Variants in RGPD3 observed in about 807,000 individuals in gnomAD.
RGPD3 encodes RANBP2 like and GRIP domain containing 3, also known as ranBP2-like and GRIP domain-containing protein 3.
Under a neutral mutation model 154.5 loss-of-function variants are expected in RGPD3, and 62 were observed. That is an observed-to-expected ratio of 0.40 (90% CI 0.33 to 0.50). The LOEUF is 0.50. Ranked by LOEUF, RGPD3 falls within the 20% of genes least tolerant of loss-of-function variation. The pLI is 0.59. For missense variants in RGPD3, 919 were observed against 1,716.8 expected, an observed-to-expected ratio of 0.54 and a Z score of 8.21; for synonymous variants, 308 against 607.0, an observed-to-expected ratio of 0.51 and a Z score of 7.24.
At chr2:106,462,103 G>A (rs535319793) in intron 1 of RGPD3, among the ~76,000 whole-genome samples, 3 of 152,166 alleles carry the variant, frequency 2.0e-5, no homozygotes, top group East Asian at 1.9e-4. Context: ...AGATGGTGTC[G>A]CTCTCTCGAC....
chr2:106,464,901 TTA>T (rs1284166681), intron 1 of RGPD3, among the ~76,000 whole-genome samples: 2 of 148,010 alleles, frequency 1.4e-5, no homozygotes, highest in East Asian at 4.1e-4. Context: ...TTTTGTATTT[TTA>T]ATAGAGATGG....
At chr2:106,441,672 T>C (rs1235620679) in intron 7 of RGPD3, among the ~76,000 whole-genome samples, 1 of 145,604 alleles carries the variant, frequency 6.9e-6, no homozygotes, top group Non-Finnish European at 1.5e-5. Context: ...CTGGCCAACA[T>C]GGTGAAACAC....
chr2:106,450,876 A>G (rs1678095912), intron 6 of RGPD3, among the ~76,000 whole-genome samples: 2 of 88,356 alleles, frequency 2.3e-5, no homozygotes, highest in African/African-American at 7.5e-5. Context: ...AGCAAGACTC[A>G]GTCTCAAAAA....
At chr2:106,438,432 G>A (rs1677642247) in intron 9 of RGPD3, among the ~76,000 whole-genome samples, 1 of 150,092 alleles carries the variant, frequency 6.7e-6, no homozygotes, top group Non-Finnish European at 1.5e-5. Flanking sequence ...AGGCAGCAGT[G>A]ACCTACGATC....
chr2:106,461,540 T>G (rs1455697252), intron 1 of RGPD3, among the ~76,000 whole-genome samples: 1 of 151,982 alleles, frequency 6.6e-6, no homozygotes, highest in East Asian at 1.9e-4. Context: ...CATGAAATGT[T>G]TATTTATATA....
intron 1 of RGPD3, among the ~76,000 whole-genome samples, chr2:106,466,953 C>T (rs1166709281): frequency 8.3e-6 from 1 of 120,760 alleles, no homozygotes; most frequent in East Asian, 6.2e-4. Context: ...GCCATGACGC[C>T]TGAGCCATCG....
At chr2:106,467,168 G>C (rs1360076265) in intron 1 of RGPD3, among the ~76,000 whole-genome samples, 1 of 9,454 alleles carries the variant, frequency 1.1e-4, no homozygotes, top group African/African-American at 3.3e-4. Flanking sequence ...TGACGCCTGA[G>C]CCATCGAGGC....
At chr2:106,450,230 A>G (rs1284376249) in intron 6 of RGPD3, among the ~76,000 whole-genome samples, 3 of 92,806 alleles carry the variant, frequency 3.2e-5, no homozygotes, top group African/African-American at 1.1e-4. Context: ...ATACAAAAAA[A>G]TTAGCCGAGC....
chr2:106,443,708 T>C (rs1399589577), intron 7 of RGPD3, among the ~76,000 whole-genome samples: 1 of 118,168 alleles, frequency 8.5e-6, no homozygotes, highest in Admixed American at 8.1e-5. Context: ...TTTTTTGAGA[T>C]GGAGTCTCGC....
intron 7 of RGPD3, among the ~76,000 whole-genome samples, chr2:106,446,859 C>T (rs866103860): frequency 8.0e-5 from 12 of 150,696 alleles, no homozygotes; most frequent in African/African-American, 2.2e-4. Flanking sequence ...TCCAGCCTGG[C>T]GACAGAGAGA....
At chr2:106,407,474 C>T (rs529892184) in intron 22 of RGPD3, among the ~76,000 whole-genome samples, 1 of 151,670 alleles carries the variant, frequency 6.6e-6, no homozygotes, top group Non-Finnish European at 1.5e-5. Context: ...TAGGGATGGA[C>T]AACTTGGCAC....
At chr2:106,451,556 G>A (rs1678124738) in intron 6 of RGPD3, among the ~76,000 whole-genome samples, 1 of 151,416 alleles carries the variant, frequency 6.6e-6, no homozygotes, top group East Asian at 1.9e-4. Context: ...ACAGAGGCAT[G>A]CTGCATTCCA....
chr2:106,424,784 A>G lies in RGPD3; in HGVS notation c.3183T>C (p.Tyr1061=), dbSNP rs1677136170. The G allele has an allele frequency of 6.2e-7, 1 of 1,611,830 alleles. No individual in the cohort carries two copies. Among genetic ancestry groups the G allele is most frequent in the African/African-American group, 1.3e-5 (1 of 74,912 alleles). Residue 1061 remains tyrosine, a synonymous_variant, in exon 20 of 23, where the codon TAT becomes TAC. Coordinates refer to ENST00000409886, the MANE Select transcript of RGPD3 (RefSeq NM_001144013.2). ...ATCTAAATAGTTTTACCCCCTGTGA[A>G]TACAGAACTTTTTCACCTTCTTCTC... ...VTGEEGEKVL[Y]SQGVKLFRFD... is the part of the protein sequence containing the mutation.
chr2:106,428,558 GTTA>G (rs1194506030), intron 18 of RGPD3, among the ~76,000 whole-genome samples: 29 of 149,556 alleles, frequency 1.9e-4, no homozygotes, highest in African/African-American at 6.4e-4. Flanking sequence ...AAGATTTTCT[GTTA>G]TTTTGCTTGT....
In RGPD3 at chr2:106,405,001, C is replaced by T; in HGVS notation, c.*218G>A. ...ACTTCAAGCTGTTGTACTTTTACTT[C>T]AAGTTGAAACTTTTAAAATACATCT... is the stretch of plus-strand genomic sequence containing the variant. On this transcript the variant is annotated 3_prime_UTR_variant, in exon 23 of 23. Transcript: ENST00000409886. 1.5e-6 allele frequency: 1 copy of T among 668,826 alleles called. No homozygotes were observed. Among genetic ancestry groups the T allele is most frequent in the East Asian group, 2.8e-5 (1 of 35,334 alleles). 41.4% of individuals were successfully genotyped at this position (668,826 alleles called of 1,614,324 possible).
rs765221103 is a variant in RGPD3 at position 106,425,164 on chromosome 2, T to G, written c.2803A>C (p.Lys935Gln). Residue 935 changes from lysine (K) to glutamine (Q), a missense_variant, in exon 20 of 23, where the codon AAG becomes CAG. Lys to Gln is a moderately conservative substitution (Grantham distance 53, BLOSUM62 1). Coordinates refer to ENST00000409886, the MANE Select transcript of RGPD3 (RefSeq NM_001144013.2). ...TTTTCAAGAGGCTTTTCACTTTTCTTTTCTTGATTTCCTGGTTCCGAAATG... is the reference window on the plus strand; with the variant it reads ...TTTTCAAGAGGCTTTTCACTTTTCTGTTCTTGATTTCCTGGTTCCGAAATG... The part of the protein sequence containing the change: ...FGISEPGNQE[K>Q]KSEKPLENDT... The G allele has an allele frequency of 1.1e-5, 17 of 1,611,922 alleles. No individual in the cohort carries two copies. The highest frequency in any genetic ancestry group is 1.4e-5 in the Non-Finnish European group (17 of 1,179,828).
intron 7 of RGPD3, among the ~76,000 whole-genome samples, chr2:106,441,708 A>C (rs1182895023): frequency 6.6e-6 from 1 of 150,930 alleles, no homozygotes; most frequent in Non-Finnish European, 1.5e-5. Flanking sequence ...TAAAAAAAAA[A>C]AACAAAGAGC....
Position 106,424,254 on chromosome 2 carries a change from G to C in RGPD3, c.3713C>G (p.Pro1238Arg), listed in dbSNP as rs764583955. 5 of 1,611,932 alleles carry C rather than the reference G, an allele frequency of 3.1e-6. No homozygotes were observed. Among genetic ancestry groups the C allele is most frequent in the Admixed American group, 1.7e-5 (1 of 60,010 alleles). Residue 1238 changes from proline to arginine, a missense_variant, in exon 20 of 23, where the codon CCC becomes CGC. Coordinates refer to ENST00000409886, the MANE Select transcript of RGPD3 (RefSeq NM_001144013.2). The part of the protein sequence containing the change: ...AAGASDTTIK[P>R]NAENTGPTLE... ...TGTGGGCCCAGTGTTTTCAGCATTG[G>C]GTTTTATTGTTGTGTCTGAGGCACC...
rs982673229 is a variant in RGPD3 at position 106,446,602 on chromosome 2, G to A, written c.978+816C>T. Reference sequence around the variant, plus strand: ...AAAAAAAAAAAAAAAGGCCAGGCGCGCCAGGCGCAGTGCCTCGCGCCTGTA... The same window carrying A: ...AAAAAAAAAAAAAAAGGCCAGGCGCACCAGGCGCAGTGCCTCGCGCCTGTA... On this transcript the variant is annotated intron_variant, in intron 7 of 22. Transcript: ENST00000409886. Among the ~76,000 whole-genome samples the A allele has an allele frequency of 1.5e-4, 20 of 131,822 alleles. No homozygotes were observed. The South Asian group carries it at 1.5e-3, about 10-fold the overall frequency. The allele number at this position is 131,822 out of a possible 152,430, so 86.5% of individuals were successfully genotyped here. A position where few individuals can be genotyped will look rare whatever the true frequency, so the allele number is the denominator to read the frequency against.
Sources: allele counts gnomAD v4.1 joint callset (sites outside exome capture counted in the v4.1 genomes callset), GRCh38; gene constraint gnomAD v4.1.1; transcripts MANE v1.5; gene names NCBI Gene and HGNC (gene_info 2026-07-23, HGNC 2026-07-21).